PAQR5: variants seen among roughly 807,000 people sequenced by gnomAD.
The protein encoded by PAQR5 is membrane progestin receptor gamma.
PAQR5 carries 20 observed loss-of-function variants against 34.5 expected under a neutral mutation model. That is an observed-to-expected ratio of 0.58 (90% CI 0.41 to 0.84). The LOEUF (loss-of-function observed/expected upper bound fraction) is 0.84. Among genes scored for constraint, PAQR5 ranks in the 40% least tolerant of loss-of-function variants. The probability of loss-of-function intolerance (pLI) is 0.00; values close to 1 mark genes in which losing one functional copy is unlikely to be tolerated. For missense variants in PAQR5, 378 were observed against 412.7 expected, an observed-to-expected ratio of 0.92 and a Z score of 0.73; for synonymous variants, 131 against 155.6, an observed-to-expected ratio of 0.84 and a Z score of 1.18.
At chr15:69,394,616 C>CCA (rs2056363906) in intron 6 of PAQR5, among the ~76,000 whole-genome samples, 1 of 152,340 alleles carries the variant, frequency 6.6e-6, no homozygotes, top group Admixed American at 6.5e-5. Flanking sequence ...CTCCCGTAAC[C>CCA]CAGTGTGTCC....
chr15:69,346,101 G>C (rs1022325571), intron 2 of PAQR5, among the ~76,000 whole-genome samples: 9 of 152,168 alleles, frequency 5.9e-5, no homozygotes, highest in Admixed American at 6.5e-5. Context: ...AACCAGCCAA[G>C]CTGCTGTTTG....
In PAQR5 at chr15:69,385,737, C is replaced by T. The variant is rs2056086866; in HGVS notation, c.385+855C>T. On this transcript the variant is annotated intron_variant, in intron 5 of 8. Transcript: ENST00000395407. This position sits in a 1 kb window ranked among gnomAD's most constrained non-coding sequence, Gnocchi z 4.7. ...CCTCCATCCTCTTTCTTCATATACA[C>T]ACGTTCACACTCACACAAACACACA... 6.6e-6 allele frequency among the ~76,000 whole-genome samples: 1 copy of T among 152,026 alleles called. No homozygotes were observed. The highest frequency in any genetic ancestry group is 1.5e-5 in the Non-Finnish European group (1 of 67,988).
intron 8 of PAQR5, among the ~76,000 whole-genome samples, chr15:69,403,346 C>T (rs980894111): frequency 4.6e-5 from 7 of 152,170 alleles, no homozygotes; most frequent in African/African-American, 9.7e-5. Flanking sequence ...AGAACATTTT[C>T]ATCCCCTCCA....
At chr15:69,302,886 G>C (rs967678121) in intron 1 of PAQR5, among the ~76,000 whole-genome samples, 1 of 152,186 alleles carries the variant, frequency 6.6e-6, no homozygotes, top group Admixed American at 6.5e-5. Context: ...AAGAGCTTTA[G>C]ACCCAGAGTC....
chr15:69,314,730 A>T (rs929391142), intron 1 of PAQR5: 2 of 152,346 alleles, frequency 1.3e-5, no homozygotes, highest in South Asian at 4.1e-4. Context: ...TGTGCTGGGA[A>T]CACCCCGCAT....
chr15:69,380,032 C>A (rs370238543), intron 4 of PAQR5, 22 bp downstream of exon 4: 6 of 1,612,578 alleles, frequency 3.7e-6, no homozygotes, highest in South Asian at 1.1e-5. Flanking sequence ...CCCCCTCGAC[C>A]GGCCTGTCTC....
chr15:69,300,937 CTCTTTCTTTCCTTCTTTCTTTCTTTCTT>C lies in PAQR5; in HGVS notation c.-277+1892_-277+1919del, dbSNP rs2053579869. Among the ~76,000 whole-genome samples, 14 of 5,188 alleles carry C rather than the reference CTCTTTCTTTCCTTCTTTCTTTCTTTCTT, an allele frequency of 2.7e-3. 1 individual carries two copies. Among genetic ancestry groups the C allele is most frequent in the African/African-American group, 4.1e-3 (14 of 3,396 alleles). The allele number at this position is 5,188 out of a possible 152,430, so 3.4% of individuals were successfully genotyped here. On this transcript the variant is annotated intron_variant, in intron 1 of 8. Transcript: ENST00000395407. ...CCTTTCTCTCTCTCTCTCTCTCTCT[CTCTTTCTTTCCTTCTTTCTTTCTTTCTT>C]TCTTTCTTTCTTTCTTTCTTTCTTT...
chr15:69,311,225 G>T (rs944594915), intron 1 of PAQR5, among the ~76,000 whole-genome samples: 3 of 151,780 alleles, frequency 2.0e-5, no homozygotes, highest in African/African-American at 7.3e-5. Context: ...GAGGGAAGAC[G>T]GAGCTGTGTG....
rs1300991293 is a variant in PAQR5, at chr15:69,400,057, T to C, written c.693T>C (p.Ser231=). Residue 231 remains serine (S), a synonymous_variant, in exon 8 of 9, where the codon TCT becomes TCC. Transcript: ENST00000395407. ...ACATGATCATGACCCTCCTGGCCTC[T>C]TTCTTGTACTCTGCACATCTGCCAG... The part of the protein sequence containing the change: ...QKHMIMTLLA[S]FLYSAHLPER... The C allele has an allele frequency of 6.2e-7, 1 of 1,614,224 alleles. No homozygotes were observed. Among genetic ancestry groups the C allele is most frequent in the Middle Eastern group, 1.6e-4 (1 of 6,062 alleles).
chr15:69,397,019 A>G (rs1223681581), intron 6 of PAQR5: 4 of 365,200 alleles, frequency 1.1e-5, no homozygotes, highest in African/African-American at 2.1e-5. Flanking sequence ...CTCCTGCATG[A>G]TAATACCTGG....
chr15:69,338,695 G>A (rs1019384209), intron 2 of PAQR5, among the ~76,000 whole-genome samples: 1 of 152,176 alleles, frequency 6.6e-6, no homozygotes, highest in Non-Finnish European at 1.5e-5. Flanking sequence ...GATTGAGACC[G>A]CCTTTGCAAA....
intron 6 of PAQR5, among the ~76,000 whole-genome samples, chr15:69,395,434 T>C (rs937221020): frequency 6.6e-6 from 1 of 152,168 alleles, no homozygotes; most frequent in African/African-American, 2.4e-5. Context: ...GTTCCTATTA[T>C]CTGGACCAAC....
At chr15:69,403,449 G>A (rs2056697032) in intron 8 of PAQR5, 132 bp from the exon 9 acceptor site, 1 of 808,734 alleles carries the variant, frequency 1.2e-6, no homozygotes. Flanking sequence ...ATATTCTGGA[G>A]ATTTTATATA....
intron 1 of PAQR5, among the ~76,000 whole-genome samples, chr15:69,313,463 G>C (rs1189528248): frequency 6.6e-6 from 1 of 151,996 alleles, no homozygotes; most frequent in Non-Finnish European, 1.5e-5. Flanking sequence ...TTGCACCACT[G>C]CACTCCAGCC....
chr15:69,339,077 G>C (rs982259128), intron 2 of PAQR5, among the ~76,000 whole-genome samples: 6 of 150,506 alleles, frequency 4.0e-5, no homozygotes, highest in Non-Finnish European at 8.9e-5. Flanking sequence ...GATCTTGTGG[G>C]CCCCACCCAG....
intron 3 of PAQR5, among the ~76,000 whole-genome samples, chr15:69,365,352 C>A (rs1361417290): frequency 6.6e-6 from 1 of 152,048 alleles, no homozygotes; most frequent in African/African-American, 2.4e-5. Context: ...AGGTGATCCA[C>A]CTGCCTCAGC....
chr15:69,387,609 G>A (rs573355392), intron 5 of PAQR5, among the ~76,000 whole-genome samples: 6 of 152,358 alleles, frequency 3.9e-5, no homozygotes, highest in Admixed American at 6.5e-5. Context: ...ATATCCATGC[G>A]TAGGTGAGGA....
At chr15:69,377,995 G>C (rs966898388) in intron 3 of PAQR5, among the ~76,000 whole-genome samples, 3 of 152,228 alleles carry the variant, frequency 2.0e-5, no homozygotes, top group Admixed American at 1.3e-4. Flanking sequence ...GGGCGTGGTA[G>C]CTCATGCCTG....
intron 3 of PAQR5, among the ~76,000 whole-genome samples, chr15:69,367,936 G>A (rs545402881): frequency 2.4e-4 from 37 of 152,198 alleles, no homozygotes; most frequent in Non-Finnish European, 5.0e-4. Flanking sequence ...AGCCCCTGGG[G>A]AGGAGTATAA....
Sources: gnomAD v4.1 joint callset for allele counts (sites outside exome capture counted in the v4.1 genomes callset) on GRCh38, gnomAD v4.1.1 for gene constraint, Gnocchi (gnomAD v3.1) non-coding constraint, MANE v1.5 for transcripts, NCBI Gene and HGNC (gene_info 2026-07-23, HGNC 2026-07-21) for gene names.